The following GMDS variants were observed in gnomAD, a reference collection of about 807,000 sequenced individuals.
GMDS encodes GDP-mannose 4,6-dehydratase, also known as GDP-mannose 4,6 dehydratase.
Under a neutral mutation model 49.9 loss-of-function variants are expected in GMDS, and 20 were observed. That is an observed-to-expected ratio of 0.40 (90% CI 0.28 to 0.58). The LOEUF (loss-of-function observed/expected upper bound fraction) is 0.58, where lower values mean the gene tolerates loss of function less well. GMDS is among the 20% of genes least tolerant of loss of function. The pLI, the probability that GMDS is intolerant of heterozygous loss-of-function variation, is 0.42. For missense variants in GMDS, 362 were observed against 481.4 expected (o/e 0.75, Z 2.32); for synonymous variants, 177 against 178.6 (o/e 0.99, Z 0.07).
chr6:1,756,965 G>A (rs548438855), intron 7 of GMDS, among the ~76,000 whole-genome samples: 49 of 152,248 alleles, frequency 3.2e-4, no homozygotes, highest in Middle Eastern at 3.4e-3. Flanking sequence ...CTTATGGGAG[G>A]GGTGGTAGAG....
intron 4 of GMDS, among the ~76,000 whole-genome samples, chr6:2,050,363 C>A (rs1770307350): frequency 1.3e-5 from 2 of 152,072 alleles, no homozygotes; most frequent in Non-Finnish European, 1.5e-5. Flanking sequence ...CAATAACAGG[C>A]TCTGAAATTG....
At chr6:1,813,515 T>C (rs1384307841) in intron 7 of GMDS, among the ~76,000 whole-genome samples, 1 of 152,192 alleles carries the variant, frequency 6.6e-6, no homozygotes, top group Admixed American at 6.5e-5. Context: ...CTTTACATGA[T>C]GTCCCAGGAG....
chr6:1,747,503 CACACACTT>C (rs1454865181), intron 7 of GMDS, among the ~76,000 whole-genome samples: 2 of 149,910 alleles, frequency 1.3e-5, no homozygotes, highest in East Asian at 4.0e-4. Flanking sequence ...CACACACACA[CACACACTT>C]ATGTATGTAT....
chr6:1,950,464 A>C (rs1353673427), intron 6 of GMDS, among the ~76,000 whole-genome samples: 1 of 152,206 alleles, frequency 6.6e-6, no homozygotes, highest in Non-Finnish European at 1.5e-5. Context: ...CTCGTGAATC[A>C]GTGGGTCACT....
intron 2 of GMDS, among the ~76,000 whole-genome samples, chr6:2,122,663 AT>A (rs1775205956): frequency 6.6e-6 from 1 of 152,254 alleles, no homozygotes; most frequent in Non-Finnish European, 1.5e-5. Context: ...AATTATACGA[AT>A]CTCTTAAAAT....
intron 4 of GMDS, among the ~76,000 whole-genome samples, chr6:2,102,460 C>T (rs1773979809): frequency 6.6e-6 from 1 of 152,092 alleles, no homozygotes; most frequent in Non-Finnish European, 1.5e-5. Context: ...TTAGATTTGC[C>T]TGCTTGAGAC....
At chr6:1,802,775 A>G (rs903178121) in intron 7 of GMDS, among the ~76,000 whole-genome samples, 1 of 152,186 alleles carries the variant, frequency 6.6e-6, no homozygotes, top group African/African-American at 2.4e-5. Flanking sequence ...TTTTCCTGAT[A>G]CTGTCTGAAT....
chr6:2,156,013 G>C (rs1581723686), intron 1 of GMDS, among the ~76,000 whole-genome samples: 1 of 151,982 alleles, frequency 6.6e-6, no homozygotes, highest in Non-Finnish European at 1.5e-5. Flanking sequence ...TATTAGACTT[G>C]ACTATTAGGG....
chr6:2,123,704 G>A (rs969047273), intron 2 of GMDS, among the ~76,000 whole-genome samples: 6 of 152,128 alleles, frequency 3.9e-5, no homozygotes, highest in South Asian at 2.1e-4. Flanking sequence ...ATGGACATAC[G>A]TATACATATG....
chr6:2,239,725 G>A (rs956547413), intron 1 of GMDS, among the ~76,000 whole-genome samples: 8 of 147,546 alleles, frequency 5.4e-5, no homozygotes, highest in Non-Finnish European at 8.9e-5. Flanking sequence ...TTGCTCTGTC[G>A]CCCAGGCTGG....
At chr6:1,934,302 T>A (rs183483910) in intron 6 of GMDS, among the ~76,000 whole-genome samples, 169 of 152,302 alleles carry the variant, frequency 1.1e-3, no homozygotes, top group Non-Finnish European at 2.1e-3. Flanking sequence ...AGTTTAAAAA[T>A]TAGGAAGTAT....
chr6:2,065,081 C>A (rs565148159), intron 4 of GMDS, among the ~76,000 whole-genome samples: 2 of 152,052 alleles, frequency 1.3e-5, no homozygotes, highest in Non-Finnish European at 2.9e-5. Context: ...GATCTGAGGA[C>A]AGGCAGACTG....
intron 4 of GMDS, among the ~76,000 whole-genome samples, chr6:2,055,864 T>C (rs1174867488): frequency 3.3e-5 from 5 of 152,142 alleles, no homozygotes; most frequent in Non-Finnish European, 7.4e-5. Context: ...GTTATGAAGA[T>C]TAAATGCTTA....
intron 9 of GMDS, among the ~76,000 whole-genome samples, chr6:1,723,737 T>C (rs1766477677): frequency 6.6e-6 from 1 of 152,156 alleles, no homozygotes; most frequent in Non-Finnish European, 1.5e-5. Context: ...ATAAGAAGAA[T>C]AAGAAGCCTT....
chr6:2,195,386 T>C (rs1289788538), intron 1 of GMDS, among the ~76,000 whole-genome samples: 1 of 151,998 alleles, frequency 6.6e-6, no homozygotes, highest in African/African-American at 2.4e-5. Flanking sequence ...GTGATTCAAA[T>C]ATAAAAAGTA....
chr6:2,076,742 C>T (rs899888356), intron 4 of GMDS, among the ~76,000 whole-genome samples: 1 of 152,124 alleles, frequency 6.6e-6, no homozygotes, highest in Admixed American at 6.5e-5. Context: ...CTTCCTTACA[C>T]CTTATACAAA....
At chr6:2,127,797 C>A (rs1475777523) in intron 1 of GMDS, among the ~76,000 whole-genome samples, 1 of 152,216 alleles carries the variant, frequency 6.6e-6, no homozygotes, top group Non-Finnish European at 1.5e-5. Flanking sequence ...GCCAAGCCAA[C>A]AGGATGGTGG....
At chr6:1,694,319 A>G (rs1440993661) in intron 9 of GMDS, among the ~76,000 whole-genome samples, 1 of 152,222 alleles carries the variant, frequency 6.6e-6, no homozygotes, top group African/African-American at 2.4e-5. Flanking sequence ...TAAAAAAGAA[A>G]CAATATGCAT....
At chr6:1,822,369 G>T (rs1234847447) in intron 7 of GMDS, among the ~76,000 whole-genome samples, 1 of 152,124 alleles carries the variant, frequency 6.6e-6, no homozygotes, top group African/African-American at 2.4e-5. Flanking sequence ...TAAGATTTAG[G>T]TCACATATCC....
Sources: allele counts gnomAD v4.1 joint callset (sites outside exome capture counted in the v4.1 genomes callset), GRCh38; gene constraint gnomAD v4.1.1; transcripts MANE v1.5; gene names NCBI Gene and HGNC (gene_info 2026-07-23, HGNC 2026-07-21).